GLRA2: variants seen among roughly 807,000 people sequenced by gnomAD.
The protein encoded by GLRA2 is glycine receptor subunit alpha-2.
A neutral mutation model predicts 31.6 loss-of-function variants in GLRA2; 11 were observed. That is an observed-to-expected ratio of 0.35 (90% CI 0.22 to 0.58). The LOEUF is 0.58. GLRA2 is among the 20% of genes least tolerant of loss of function. GLRA2 has a pLI of 0.84. For missense variants in GLRA2, 212 were observed against 351.8 expected, an observed-to-expected ratio of 0.60 and a Z score of 3.18; for synonymous variants, 132 against 134.0, an observed-to-expected ratio of 0.99 and a Z score of 0.10.
At chrX:14,702,161 A>C (rs983188231) in intron 8 of GLRA2, among the ~76,000 whole-genome samples, 6 of 112,022 alleles carry the variant, frequency 5.4e-5, no homozygotes, top group African/African-American at 2.0e-4. Context: ...TCACTACATC[A>C]TAAAAAGTTG....
chrX:14,655,106 G>A (rs970848214), intron 7 of GLRA2, among the ~76,000 whole-genome samples: 1 of 111,330 alleles, frequency 9.0e-6, no homozygotes, highest in Non-Finnish European at 1.9e-5. Context: ...CCAAAATGGA[G>A]GAGAGGGAGA....
At chrX:14,604,281 A>C (rs2090307397) in intron 4 of GLRA2, 34 bp from the exon 5 acceptor site, 1 of 906,427 alleles carries the variant, frequency 1.1e-6, no homozygotes, top group African/African-American at 2.0e-5. Context: ...CATAGATTTA[A>C]AAATGGTTTT....
chrX:14,591,763 A>G (rs904943913), intron 4 of GLRA2, among the ~76,000 whole-genome samples: 1 of 112,020 alleles, frequency 8.9e-6, no homozygotes, highest in African/African-American at 3.2e-5. Flanking sequence ...GAAAGGAGAG[A>G]CTTGATCAAT....
At chrX:14,505,099 T>C in the GLRA2 span, among the ~76,000 whole-genome samples, 1 of 112,069 alleles carries the variant, frequency 8.9e-6, no homozygotes, top group Non-Finnish European at 1.9e-5. Context: ...TAGAGTGTGT[T>C]GTCCATGACA....
At chrX:14,559,087 A>T (rs770704102) in intron 2 of GLRA2, among the ~76,000 whole-genome samples, 1 of 111,849 alleles carries the variant, frequency 8.9e-6, no homozygotes, top group South Asian at 3.7e-4. Flanking sequence ...TGCCTCTCAA[A>T]GTGCTGGGAT....
chrX:14,701,166 ATGTT>A (rs2091535385), intron 8 of GLRA2, among the ~76,000 whole-genome samples: 1 of 110,794 alleles, frequency 9.0e-6, no homozygotes, highest in Admixed American at 9.6e-5. Context: ...AAACTTTGAA[ATGTT>A]TGTGAATTGC....
chrX:14,482,252 G>C, the GLRA2 span, among the ~76,000 whole-genome samples: 79 of 111,724 alleles, frequency 7.1e-4, no homozygotes, highest in Admixed American at 1.8e-3. Context: ...ATTGTGTCTG[G>C]TTACATTAGA....
chrX:14,538,458 G>A (rs892147839), intron 2 of GLRA2, among the ~76,000 whole-genome samples: 3 of 111,960 alleles, frequency 2.7e-5, no homozygotes, highest in African/African-American at 9.7e-5. Flanking sequence ...AAAGAAACAA[G>A]TTAGAGAAAT....
At chrX:14,495,586 G>T in the GLRA2 span, among the ~76,000 whole-genome samples, 2 of 108,645 alleles carry the variant, frequency 1.8e-5, no homozygotes, top group Admixed American at 9.9e-5. Context: ...GTGTGAGTGT[G>T]TGTATATATA....
At chrX:14,515,780 TCTC>T in the GLRA2 span, among the ~76,000 whole-genome samples, 8 of 111,709 alleles carry the variant, frequency 7.2e-5, no homozygotes, top group Non-Finnish European at 1.3e-4. Context: ...TATTAAAAAT[TCTC>T]CTGGCTCTTA....
At chrX:14,581,768 ACAC>A (rs2090019493) in intron 4 of GLRA2, among the ~76,000 whole-genome samples, 1 of 54,759 alleles carries the variant, frequency 1.8e-5, no homozygotes, top group Non-Finnish European at 3.6e-5. Flanking sequence ...TCAAGCATGC[ACAC>A]ACACACACAC....
intron 7 of GLRA2, among the ~76,000 whole-genome samples, chrX:14,655,758 G>T (rs927636923): frequency 1.0e-5 from 1 of 100,173 alleles, no homozygotes; most frequent in South Asian, 4.1e-4. Context: ...GCACTTGTGA[G>T]CTATGCTTCC....
At chrX:14,595,460 C>A (rs1425930188) in intron 4 of GLRA2, among the ~76,000 whole-genome samples, 1 of 111,933 alleles carries the variant, frequency 8.9e-6, no homozygotes, top group East Asian at 2.8e-4. Context: ...AGGCAGGACT[C>A]TCTCTATGCA....
At chrX:14,716,645 CTA>C (rs1419335440) in intron 8 of GLRA2, among the ~76,000 whole-genome samples, 5 of 111,363 alleles carry the variant, frequency 4.5e-5, no homozygotes, top group African/African-American at 6.5e-5. Flanking sequence ...GCAATGTACT[CTA>C]GAGAATAGGG....
intron 3 of GLRA2, among the ~76,000 whole-genome samples, chrX:14,578,404 G>A (rs1026099346): frequency 6.3e-5 from 7 of 111,847 alleles, no homozygotes; most frequent in Admixed American, 2.8e-4. Context: ...ACACATTTGT[G>A]TTACTCTAAG....
At chrX:14,638,496 ATAT>A (rs973337504) in intron 7 of GLRA2, among the ~76,000 whole-genome samples, 1 of 111,328 alleles carries the variant, frequency 9.0e-6, no homozygotes, top group Non-Finnish European at 1.9e-5. Context: ...TAATAATGAA[ATAT>A]TATTTTTATC....
At position 14,604,371 on chromosome X, in the gene GLRA2, A is replaced by G; in HGVS notation, c.551A>G (p.Gln184Arg). 8.6e-7 allele frequency: 1 copy of G among 1,167,556 alleles called. No individual in the cohort carries two copies. Among genetic ancestry groups the G allele is most frequent in the Non-Finnish European group, 1.2e-6 (1 of 857,071 alleles). Residue 184 changes from glutamine to arginine, a missense_variant, in exon 5 of 9, where the codon CAG (glutamine) becomes CGG (arginine). Gln to Arg is a conservative substitution (Grantham distance 43). This residue lies in a region of GLRA2 where 110 missense variants were observed against 232.6 expected (regional missense o/e 0.47). Transcript: ENST00000218075. ...MDLKNFPMDVQTCTMQLESFG... is the reference protein window; with the variant it reads ...MDLKNFPMDVRTCTMQLESFG... ...TTGAAGAACTTTCCGATGGATGTCC[A>G]GACCTGTACAATGCAGCTGGAGAGT...
At chrX:14,507,161 C>A in the GLRA2 span, among the ~76,000 whole-genome samples, 1 of 111,645 alleles carries the variant, frequency 9.0e-6, no homozygotes, top group Non-Finnish European at 1.9e-5. Context: ...ACTATCAGAT[C>A]TGACTTTTTG....
At chrX:14,560,199 T>C (rs1250599249) in intron 2 of GLRA2, among the ~76,000 whole-genome samples, 17 of 112,762 alleles carry the variant, frequency 1.5e-4, no homozygotes. Context: ...GCCCATATAT[T>C]TCATATTCTA....
Sources: allele counts gnomAD v4.1 joint callset (sites outside exome capture counted in the v4.1 genomes callset), GRCh38; gene constraint gnomAD v4.1.1; regional missense constraint gnomAD v4.1.1; transcripts MANE v1.5; gene names NCBI Gene and HGNC (gene_info 2026-07-23, HGNC 2026-07-21).